DUOX1: variants seen among roughly 807,000 people sequenced by gnomAD.
The protein encoded by DUOX1 is dual oxidase 1, also known as NADPH thyroid oxidase 1.
Under a neutral mutation model 181.8 loss-of-function variants are expected in DUOX1, and 134 were observed. That is an observed-to-expected ratio of 0.74 (90% CI 0.64 to 0.85). DUOX1 has a LOEUF of 0.85. Among genes scored for constraint, DUOX1 ranks in the 40% least tolerant of loss-of-function variants. DUOX1 has a pLI of 0.00. For missense variants in DUOX1, 1,814 were observed against 2,064.4 expected, an observed-to-expected ratio of 0.88 and a Z score of 2.35; for synonymous variants, 798 against 832.5, an observed-to-expected ratio of 0.96 and a Z score of 0.71.
intron 32 of DUOX1, 51 bp from the exon 33 acceptor site, chr15:45,163,739 T>C (rs748373222): frequency 1.2e-6 from 2 of 1,613,598 alleles, no homozygotes; most frequent in Admixed American, 1.7e-5. Flanking sequence ...GAGCTAGGAA[T>C]TGACCCTAGC....
intron 28 of DUOX1, among the ~76,000 whole-genome samples, chr15:45,157,817 T>TA (rs60248114): frequency 0.83 from 116,521 of 141,170 alleles, 51,873 homozygotes; most frequent in Non-Finnish European, 0.99. Flanking sequence ...ACAGCCTGTT[T>TA]AAAAAAAAAA....
chr15:45,136,253 G>C, intron 7 of DUOX1, 97 bp from the exon 8 acceptor site: 1 of 1,579,924 alleles, frequency 6.3e-7, no homozygotes, highest in South Asian at 1.1e-5. Flanking sequence ...ACCCTGGCTG[G>C]TCCTCATCTC....
chr15:45,133,481 G>A lies in DUOX1; in HGVS notation c.59-383G>A, dbSNP rs535039189. ...CTCTGTGTGGTGTCTTAGGGCTGGG[G>A]ATGGATTCTGTCCTGTTGTGTCCCC... is the stretch of plus-strand genomic sequence containing the variant. On this transcript the variant is annotated intron_variant, in intron 2 of 33. Transcript: ENST00000389037. Among the ~76,000 whole-genome samples the A allele has an allele frequency of 1.9e-4, 29 of 152,240 alleles. 1 individual carries two copies. The highest frequency in any genetic ancestry group is 6.5e-4 in the African/African-American group (27 of 41,534).
chr15:45,148,789 C>T (rs1896729376), intron 21 of DUOX1, among the ~76,000 whole-genome samples: 1 of 151,998 alleles, frequency 6.6e-6, no homozygotes, highest in African/African-American at 2.4e-5. Flanking sequence ...CTCTGCTTCC[C>T]CTGGCTCCCT....
At position 45,135,099 on chromosome 15, in the gene DUOX1, C is replaced by G. The variant is rs1199824653; in HGVS notation, c.308-5C>G. 4 of 1,613,526 alleles carry G rather than the reference C, an allele frequency of 2.5e-6. No individual in the cohort carries two copies. Among genetic ancestry groups the G allele is most frequent in the Admixed American group, 3.3e-5 (2 of 59,982 alleles). Reference sequence around the variant, plus strand: ...CCCTAGCACCCCCTCCTGCACTGCCCGCAGGCTATCACGTGCTTTCAGACC... The same window carrying G: ...CCCTAGCACCCCCTCCTGCACTGCCGGCAGGCTATCACGTGCTTTCAGACC... On this transcript the variant is annotated splice_region_variant and splice_polypyrimidine_tract_variant and intron_variant, in intron 4 of 33. Coordinates refer to ENST00000389037, the MANE Select transcript of DUOX1 (RefSeq NM_175940.3).
chr15:45,148,817 G>A (rs989805631), intron 21 of DUOX1, among the ~76,000 whole-genome samples: 14 of 152,118 alleles, frequency 9.2e-5, no homozygotes, highest in African/African-American at 2.2e-4. Flanking sequence ...CCCCCTGTGC[G>A]TGGTGCCCAG....
Position 45,152,051 on chromosome 15 carries a change from C to G in DUOX1, c.3192C>G (p.Tyr1064Ter). 6.2e-7 allele frequency: 1 copy of G among 1,613,114 alleles called. No individual in the cohort carries two copies. Among genetic ancestry groups the G allele is most frequent in the Non-Finnish European group, 8.5e-7 (1 of 1,179,292 alleles). The change falls in exon 24 of 34, where the codon TAC becomes TAG. Residue 1064 changes from tyrosine (Y) to a stop codon, truncating the protein, a stop_gained and splice_region_variant. Coordinates refer to ENST00000389037, the MANE Select transcript of DUOX1 (RefSeq NM_175940.3). LOFTEE classifies it high-confidence loss of function. ...IAGGLFLERA[Y>*]YYAFAAHHTG... ...GGGGGCTTTTCCTGGAGAGGGCCTA[C>G]TGTGAGTGACTTTACTTACCACGAG... is the stretch of plus-strand genomic sequence containing the variant.
intron 12 of DUOX1, 108 bp from the exon 13 acceptor site, chr15:45,140,787 A>T: frequency 9.0e-7 from 1 of 1,105,776 alleles, no homozygotes; most frequent in Non-Finnish European, 1.3e-6. Flanking sequence ...AGTTACTGTT[A>T]CTGTCATTTA....
At position 45,132,000 on chromosome 15, in the gene DUOX1, C is replaced by G. The variant is rs2141248733; in HGVS notation, c.34C>G (p.Leu12Val). 6.2e-7 allele frequency: 1 copy of G among 1,613,496 alleles called. No homozygotes were observed. The highest frequency in any genetic ancestry group is 1.1e-5 in the South Asian group (1 of 90,972). The change falls in exon 2 of 34, where the codon CTG (leucine) becomes GTG (valine). Residue 12 changes from leucine to valine, a missense_variant. By Grantham distance (32) the Leu-to-Val change is conservative. Transcript: ENST00000389037. ...CTGCCTGGCTCTAGCATGGACACTT[C>G]TGGTTGGGGCATGGACCCCTCTGGG... ...GFCLALAWTL[L>V]VGAWTPLGAQ...
intron 23 of DUOX1, 71 bp downstream of exon 23, chr15:45,151,319 G>A: frequency 6.4e-7 from 1 of 1,572,986 alleles, no homozygotes; most frequent in Non-Finnish European, 8.6e-7. Flanking sequence ...CTTTTCCTTG[G>A]TGCCAGGCAC....
intron 25 of DUOX1, 80 bp downstream of exon 25, chr15:45,152,596 C>T: frequency 7.8e-7 from 1 of 1,289,238 alleles, no homozygotes; most frequent in Non-Finnish European, 1.1e-6. Flanking sequence ...GCCCCCCTCT[C>T]TGCTGGCACT....
In DUOX1 at chr15:45,136,645, G is replaced by GT; in HGVS notation, c.1022+21dup. 1 of 1,612,730 alleles carries GT rather than the reference G, an allele frequency of 6.2e-7. No homozygotes were observed. Among genetic ancestry groups the GT allele is most frequent in the Non-Finnish European group, 8.5e-7 (1 of 1,178,922 alleles). Reference sequence around the variant, plus strand: ...CATGAGGTGAGGGAGGGGCTCAAAGGTGTGTGTGCTGGGAGGGATGGGGCT... The same window carrying GT: ...CATGAGGTGAGGGAGGGGCTCAAAGGTTGTGTGTGCTGGGAGGGATGGGGCT... On this transcript the variant is annotated intron_variant, in intron 9 of 33. Coordinates refer to ENST00000389037, the MANE Select transcript of DUOX1 (RefSeq NM_175940.3).
At chr15:45,164,521 T>G (rs1409201296) in intron 33 of DUOX1, among the ~76,000 whole-genome samples, 1 of 151,930 alleles carries the variant, frequency 6.6e-6, no homozygotes, top group Non-Finnish European at 1.5e-5. Flanking sequence ...CAGGCTGTAA[T>G]GCAGTGATGC....
intron 30 of DUOX1, 72 bp from the exon 31 acceptor site, chr15:45,162,141 CTTTCCT>C (rs1897120831): frequency 6.4e-7 from 1 of 1,552,256 alleles, no homozygotes. Context: ...ACGTATCTAC[CTTTCCT>C]TTTCTCTCAT....
intron 18 of DUOX1, among the ~76,000 whole-genome samples, 199 bp downstream of exon 18, chr15:45,145,279 G>C (rs984773545): frequency 6.6e-6 from 1 of 152,188 alleles, no homozygotes; most frequent in African/African-American, 2.4e-5. Context: ...CAACTACGAG[G>C]CTCCAGTGGG....
intron 14 of DUOX1, among the ~76,000 whole-genome samples, 181 bp downstream of exon 14, chr15:45,141,591 C>A (rs1896493129): frequency 6.6e-6 from 1 of 152,122 alleles, no homozygotes; most frequent in South Asian, 2.1e-4. Flanking sequence ...GTAGGGTCCC[C>A]TCTGCAGAAC....
chr15:45,154,741 T>A (rs958847577), intron 27 of DUOX1, among the ~76,000 whole-genome samples: 1 of 152,116 alleles, frequency 6.6e-6, no homozygotes, highest in African/African-American at 2.4e-5. Context: ...TTAGATCCCT[T>A]CTTAACCTTT....
rs1354245180 is a variant in DUOX1 at position 45,152,532 on chromosome 15, C to T, written c.3424+16C>T. On this transcript the variant is annotated intron_variant, in intron 25 of 33. Transcript: ENST00000389037. ...GTCCTCACAGGCAGGGCCTGGGTGT[C>T]CCTGGGAGGCTCTCCAGGGCCTCCC... The T allele has an allele frequency of 6.2e-7, 1 of 1,611,650 alleles. No individual in the cohort carries two copies. The highest frequency in any genetic ancestry group is 1.7e-5 in the Admixed American group (1 of 60,002).
In DUOX1 at chr15:45,152,501, G is replaced by C; in HGVS notation, c.3409G>C (p.Ala1137Pro). ...VDFHRLIAST[A>P]IVLTVLHSVG... The stretch of plus-strand genomic sequence containing the variant: ...CTTCCATCGCCTCATTGCCTCCACC[G>C]CCATCGTCCTCACAGGCAGGGCCTG... The change falls in exon 25 of 34, where the codon GCC becomes CCC. Residue 1137 changes from alanine to proline, a missense_variant. By Grantham distance (27) the Ala-to-Pro change is conservative. This residue lies in a region of DUOX1 where 1,064 missense variants were observed against 1,152.9 expected (regional missense o/e 0.92). Transcript: ENST00000389037. 6.2e-7 allele frequency: 1 copy of C among 1,613,834 alleles called. No homozygotes were observed. The highest frequency in any genetic ancestry group is 8.5e-7 in the Non-Finnish European group (1 of 1,179,972).
Sources: gnomAD v4.1 joint callset for allele counts (sites outside exome capture counted in the v4.1 genomes callset) on GRCh38, gnomAD v4.1.1 for gene constraint, gnomAD v4.1.1 regional missense constraint, MANE v1.5 for transcripts, NCBI Gene and HGNC (gene_info 2026-07-23, HGNC 2026-07-21) for gene names.